The following DPP10 variants were observed in gnomAD, a reference collection of about 807,000 sequenced individuals.
DPP10 encodes inactive dipeptidyl peptidase 10.
A neutral mutation model predicts 120.9 loss-of-function variants in DPP10; 33 were observed. The ratio of observed to expected loss-of-function variants is 0.27; its 90% CI spans 0.21 to 0.37. The LOEUF (loss-of-function observed/expected upper bound fraction) is 0.37. DPP10 is among the 10% of genes least tolerant of loss of function. The pLI is 1.00. For synonymous variants in DPP10, 337 were observed against 326.1 expected (o/e 1.03, Z -0.36); for missense variants, 816 against 942.8 (o/e 0.87, Z 1.76).
intron 1 of DPP10, among the ~76,000 whole-genome samples, chr2:114,937,449 A>G (rs1220955573): frequency 6.6e-6 from 1 of 152,144 alleles, no homozygotes; most frequent in Non-Finnish European, 1.5e-5. Context: ...AAGGAGCAGG[A>G]AAGATCTGCA....
At chr2:115,437,230 T>G (rs2071578660) in intron 3 of DPP10, among the ~76,000 whole-genome samples, 1 of 152,074 alleles carries the variant, frequency 6.6e-6, no homozygotes, top group African/African-American at 2.4e-5. Flanking sequence ...AGATTTCTAC[T>G]GAATTAACTC....
chr2:114,543,150 A>T (rs571355126), intron 1 of DPP10, among the ~76,000 whole-genome samples: 6 of 152,332 alleles, frequency 3.9e-5, no homozygotes, highest in African/African-American at 1.4e-4. Flanking sequence ...TAATTGTTAA[A>T]ATTCACTTGT....
chr2:114,688,437 G>C (rs1346086153), intron 1 of DPP10, among the ~76,000 whole-genome samples: 1 of 151,872 alleles, frequency 6.6e-6, no homozygotes, highest in Non-Finnish European at 1.5e-5. Flanking sequence ...TAATCCAAGA[G>C]GGGTGGTGGA....
At chr2:115,509,486 G>A (rs2077115156) in intron 4 of DPP10, among the ~76,000 whole-genome samples, 1 of 151,982 alleles carries the variant, frequency 6.6e-6, no homozygotes, top group Non-Finnish European at 1.5e-5. Context: ...CTGTTAAACG[G>A]CATTTAGTAA....
chr2:115,472,735 C>A (rs2074814473), intron 3 of DPP10, among the ~76,000 whole-genome samples: 1 of 152,170 alleles, frequency 6.6e-6, no homozygotes, highest in Admixed American at 6.5e-5. Flanking sequence ...AGTATATAGA[C>A]TAGTTAGTGC....
At position 115,124,042 on chromosome 2, in the gene DPP10, G is replaced by T. The variant is rs566050788; in HGVS notation, c.61-185197G>T. ...GCTCATTGAATCCTCAACCTCCCAG[G>T]CTCAATCTTCCAACTGCAGCCTCCT... is the stretch of plus-strand genomic sequence containing the variant. On this transcript the variant is annotated intron_variant, in intron 1 of 25. Coordinates refer to ENST00000410059, the MANE Select transcript of DPP10 (RefSeq NM_020868.6). 3.1e-3 allele frequency among the ~76,000 whole-genome samples: 465 copies of T among 151,380 alleles called. 3 individuals carry two copies. The highest frequency in any genetic ancestry group is 8.5e-3 in the African/African-American group (351 of 41,188).
intron 2 of DPP10, among the ~76,000 whole-genome samples, chr2:115,315,239 T>C (rs1455586618): frequency 6.6e-6 from 1 of 151,206 alleles, no homozygotes; most frequent in Non-Finnish European, 1.5e-5. Flanking sequence ...TTAAAAATAT[T>C]CATATGCCTG....
chr2:115,710,443 TTAA>T (rs757959926), intron 7 of DPP10, among the ~76,000 whole-genome samples: 5 of 152,112 alleles, frequency 3.3e-5, no homozygotes, highest in Non-Finnish European at 7.4e-5. Flanking sequence ...ATTATCTTCC[TTAA>T]TAATAATTTT....
chr2:115,002,061 C>A (rs1701477790), intron 1 of DPP10, among the ~76,000 whole-genome samples: 1 of 152,002 alleles, frequency 6.6e-6, no homozygotes, highest in South Asian at 2.1e-4. Context: ...CCAAAAAAGC[C>A]CAAATAGCCA....
At chr2:115,613,496 C>T (rs569078717) in intron 5 of DPP10, among the ~76,000 whole-genome samples, 1 of 152,268 alleles carries the variant, frequency 6.6e-6, no homozygotes, top group South Asian at 2.1e-4. Context: ...GCCTTTTTGT[C>T]TGACATCACT....
chr2:115,040,143 CAA>C (rs1379777610), intron 1 of DPP10, among the ~76,000 whole-genome samples: 1 of 152,044 alleles, frequency 6.6e-6, no homozygotes, highest in Non-Finnish European at 1.5e-5. Flanking sequence ...ATTAGCCGTT[CAA>C]AGACTGTGTA....
intron 2 of DPP10, among the ~76,000 whole-genome samples, chr2:115,340,625 G>A (rs1015431228): frequency 6.6e-6 from 1 of 151,710 alleles, no homozygotes; most frequent in Non-Finnish European, 1.5e-5. Context: ...AGATTATTTG[G>A]TGTGGTGGAC....
intron 1 of DPP10, among the ~76,000 whole-genome samples, chr2:114,548,059 G>T (rs1573623529): frequency 6.6e-6 from 1 of 152,146 alleles, no homozygotes; most frequent in African/African-American, 2.4e-5. Flanking sequence ...GGGGTGAGGA[G>T]GTTGGCTAGT....
At chr2:115,437,970 A>G (rs1478244572) in intron 3 of DPP10, among the ~76,000 whole-genome samples, 1 of 152,104 alleles carries the variant, frequency 6.6e-6, no homozygotes. Context: ...CTTCAGGAGA[A>G]AAAGTTGTAT....
At chr2:115,422,712 CAAT>C (rs2104697108) in intron 3 of DPP10, among the ~76,000 whole-genome samples, 1 of 151,892 alleles carries the variant, frequency 6.6e-6, no homozygotes, top group African/African-American at 2.4e-5. Flanking sequence ...AAATAATATC[CAAT>C]AATGTCAGTT....
At chr2:115,815,015 G>T in intron 20 of DPP10, 28 bp downstream of exon 20, 1 of 1,559,938 alleles carries the variant, frequency 6.4e-7, no homozygotes, top group Non-Finnish European at 8.8e-7. Flanking sequence ...TTTCTTCTCT[G>T]TTTTCTATAA....
chr2:115,185,870 T>C (rs962478785), intron 1 of DPP10, among the ~76,000 whole-genome samples: 1 of 152,216 alleles, frequency 6.6e-6, no homozygotes, highest in African/African-American at 2.4e-5. Context: ...AAGGTTGTAA[T>C]GCAAGTGTGT....
chr2:115,781,989 A>T (rs1487594449), intron 16 of DPP10, among the ~76,000 whole-genome samples: 1 of 151,966 alleles, frequency 6.6e-6, no homozygotes, highest in Non-Finnish European at 1.5e-5. Context: ...TTGATCTTGG[A>T]TCAGTGGATG....
intron 1 of DPP10, among the ~76,000 whole-genome samples, chr2:114,712,654 C>A (rs978708352): frequency 1.1e-4 from 16 of 152,112 alleles, no homozygotes; most frequent in Non-Finnish European, 1.8e-4. Context: ...TTTTATCAAT[C>A]ATAAAAGCAT....
Sources: gnomAD v4.1 joint callset for allele counts (sites outside exome capture counted in the v4.1 genomes callset) on GRCh38, gnomAD v4.1.1 for gene constraint, MANE v1.5 for transcripts, NCBI Gene and HGNC (gene_info 2026-07-23, HGNC 2026-07-21) for gene names.